Variants in CSMD3 observed in about 807,000 individuals in gnomAD.
CSMD3 encodes the protein CUB and sushi domain-containing protein 3.
A neutral mutation model predicts 435.2 loss-of-function variants in CSMD3; 177 were observed. That is an observed-to-expected ratio of 0.41 (90% confidence interval 0.36 to 0.46). CSMD3 has a LOEUF of 0.46. CSMD3 is among the 20% of genes least tolerant of loss of function. The probability of loss-of-function intolerance (pLI) is 0.34; values close to 1 mark genes in which losing one functional copy is unlikely to be tolerated. For missense variants in CSMD3, 4,265 were observed against 4,504.6 expected, an observed-to-expected ratio of 0.95 and a Z score of 1.52; for synonymous variants, 1,656 against 1,520.5, an observed-to-expected ratio of 1.09 and a Z score of -2.07.
In CSMD3 at chr8:113,248,011, A is replaced by G. The variant is rs182653325; in HGVS notation, c.514+30581T>C. Among the ~76,000 whole-genome samples the G allele has an allele frequency of 5.4e-3, 828 of 152,246 alleles. 12 individuals are homozygous for G. Among genetic ancestry groups the G allele is most frequent in the African/African-American group, 0.019 (797 of 41,558 alleles). On this transcript the variant is annotated intron_variant, in intron 3 of 70. Transcript: ENST00000297405. ...TAAGGCAGAACCATACTTTTAAAGAAGTTTAGAAAAACATTTATGAAGGGA... is the reference window on the plus strand; with the variant it reads ...TAAGGCAGAACCATACTTTTAAAGAGGTTTAGAAAAACATTTATGAAGGGA...
intron 50 of CSMD3, among the ~76,000 whole-genome samples, chr8:112,309,052 T>C (rs1205875711): frequency 1.3e-5 from 2 of 152,010 alleles, no homozygotes; most frequent in African/African-American, 4.8e-5. Flanking sequence ...GCTACATGAT[T>C]TACATATATT....
At position 112,593,274 on chromosome 8, in the gene CSMD3, T is replaced by C. The variant is rs557019146; in HGVS notation, c.3716-6039A>G. Among the ~76,000 whole-genome samples, 29 of 152,218 alleles carry C rather than the reference T, an allele frequency of 1.9e-4. 1 individual carries two copies. The South Asian group carries it at 6.0e-3, about 32-fold the overall frequency. ...TTAGGGCAGCTCTATGAGGAATGAA[T>C]TGTAGTCTTGGGTTACTAGAGGATG... On this transcript the variant is annotated intron_variant, in intron 22 of 70. Transcript: ENST00000297405.
intron 2 of CSMD3, chr8:113,310,326 AGAAAT>A (rs1289054105): frequency 5.3e-5 from 8 of 152,068 alleles, no homozygotes; most frequent in Non-Finnish European, 7.4e-5. Context: ...TAACATTAAA[AGAAAT>A]GAAATGAATC....
intron 6 of CSMD3, among the ~76,000 whole-genome samples, chr8:112,993,772 A>G (rs958468955): frequency 6.6e-6 from 1 of 151,748 alleles, no homozygotes; most frequent in East Asian, 1.9e-4. Context: ...TAAGGCCCTA[A>G]AACACAAAAA....
chr8:112,268,316 C>T (rs1428107481), intron 59 of CSMD3, among the ~76,000 whole-genome samples: 1 of 152,158 alleles, frequency 6.6e-6, no homozygotes, highest in Non-Finnish European at 1.5e-5. Flanking sequence ...TTGTGGGAGG[C>T]TTCTCAATAT....
At chr8:113,334,295 TC>T (rs58419574) in intron 1 of CSMD3, among the ~76,000 whole-genome samples, 73,639 of 129,562 alleles carry the variant, frequency 0.57, 21,540 homozygotes, top group Non-Finnish European at 0.64. Context: ...TTTTTTTTTT[TC>T]ATTTCCAGCC....
chr8:113,165,825 GTAAA>G (rs1416641603), intron 4 of CSMD3, among the ~76,000 whole-genome samples: 2 of 152,024 alleles, frequency 1.3e-5, no homozygotes, highest in Non-Finnish European at 2.9e-5. Context: ...AGGGGAAAAA[GTAAA>G]TAGTTGTGTG....
intron 1 of CSMD3, among the ~76,000 whole-genome samples, chr8:113,371,595 C>G (rs1405702753): frequency 3.9e-5 from 6 of 152,122 alleles, no homozygotes; most frequent in Admixed American, 3.3e-4. Flanking sequence ...AACTCGGTGA[C>G]AGTGTTTATA....
At chr8:112,657,032 A>T (rs1586904840) in intron 17 of CSMD3, among the ~76,000 whole-genome samples, 1 of 149,618 alleles carries the variant, frequency 6.7e-6, no homozygotes, top group Non-Finnish European at 1.5e-5. Flanking sequence ...TAAGAAAACC[A>T]CAGCCTTAAA....
intron 10 of CSMD3, among the ~76,000 whole-genome samples, chr8:112,913,214 T>C (rs563938607): frequency 6.6e-6 from 1 of 152,096 alleles, no homozygotes; most frequent in South Asian, 2.1e-4. Context: ...AATTATTCCA[T>C]GGACTCGGGG....
intron 7 of CSMD3, among the ~76,000 whole-genome samples, chr8:112,959,278 C>T (rs1335789944): frequency 6.6e-6 from 1 of 151,944 alleles, no homozygotes; most frequent in African/African-American, 2.4e-5. Context: ...GTTTTCAGAA[C>T]AGTCTGAAGC....
chr8:112,815,283 G>A lies in CSMD3; in HGVS notation c.1859+14403C>T, dbSNP rs182672068. 1.2e-3 allele frequency among the ~76,000 whole-genome samples: 179 copies of A among 152,120 alleles called. 2 individuals carry two copies. The highest frequency in any genetic ancestry group is 4.2e-3 in the African/African-American group (175 of 41,502). ...TAATTGTTGTTTTAACTTTATTTAG[G>A]GACATAGGATTCAGAAGTTTTAATT... is the stretch of plus-strand genomic sequence containing the variant. On this transcript the variant is annotated intron_variant, in intron 12 of 70. Transcript: ENST00000297405.
intron 13 of CSMD3, among the ~76,000 whole-genome samples, chr8:112,694,580 TA>T (rs2131844686): frequency 6.6e-6 from 1 of 152,226 alleles, no homozygotes; most frequent in East Asian, 1.9e-4. Context: ...AATGAAGCTG[TA>T]AATACTCTCT....
At chr8:112,450,000 A>T (rs568531487) in intron 32 of CSMD3, among the ~76,000 whole-genome samples, 20 of 152,314 alleles carry the variant, frequency 1.3e-4, no homozygotes, top group Middle Eastern at 3.4e-3. Context: ...CTGGGATTAC[A>T]GGCATGAACC....
intron 13 of CSMD3, among the ~76,000 whole-genome samples, chr8:112,721,881 CAATA>C (rs1342942762): frequency 1.3e-5 from 2 of 152,018 alleles, no homozygotes; most frequent in African/African-American, 4.8e-5. Context: ...CAGTATTAAA[CAATA>C]AATAACACTA....
chr8:112,902,345 G>A (rs1319579979), intron 10 of CSMD3, among the ~76,000 whole-genome samples: 1 of 151,208 alleles, frequency 6.6e-6, no homozygotes, highest in African/African-American at 2.4e-5. Context: ...ATTAATAAGG[G>A]GAGGAGGGTT....
chr8:113,391,362 G>A lies in CSMD3; in HGVS notation c.178+45315C>T, dbSNP rs186268027. Among the ~76,000 whole-genome samples the A allele has an allele frequency of 2.0e-5, 3 of 152,060 alleles. No homozygotes were observed. In the East Asian group the frequency reaches 5.8e-4, roughly 29 times the overall value. On this transcript the variant is annotated intron_variant, in intron 1 of 70. Coordinates refer to ENST00000297405, the MANE Select transcript of CSMD3 (RefSeq NM_198123.2). The stretch of plus-strand genomic sequence containing the variant: ...AATTAGAAAAGCAAATCAAATATGT[G>A]TAGATGCTCCTGTTGGTTTCCCATG...
intron 27 of CSMD3, among the ~76,000 whole-genome samples, chr8:112,523,081 C>A (rs1824468833): frequency 6.6e-6 from 1 of 151,778 alleles, no homozygotes; most frequent in East Asian, 1.9e-4. Context: ...TCTTATGTGT[C>A]CTTTATGTTC....
At chr8:113,407,800 A>G (rs1177627465) in intron 1 of CSMD3, among the ~76,000 whole-genome samples, 4 of 152,134 alleles carry the variant, frequency 2.6e-5, no homozygotes, top group Non-Finnish European at 5.9e-5. Context: ...TCAATCTGAG[A>G]TTGTAAGGAA....
Sources: allele counts gnomAD v4.1 joint callset (sites outside exome capture counted in the v4.1 genomes callset), GRCh38; gene constraint gnomAD v4.1.1; transcripts MANE v1.5; gene names NCBI Gene and HGNC (gene_info 2026-07-23, HGNC 2026-07-21).